Variants in DSCAM observed in about 807,000 individuals in gnomAD.
DSCAM encodes DS cell adhesion molecule.
A neutral mutation model predicts 217.7 loss-of-function variants in DSCAM; 47 were observed. That is an observed-to-expected ratio of 0.22 (90% CI 0.17 to 0.28). DSCAM has a LOEUF of 0.28. Among genes scored for constraint, DSCAM ranks in the 10% least tolerant of loss-of-function variants. The probability of loss-of-function intolerance (pLI) is 1.00; values close to 1 mark genes in which losing one functional copy is unlikely to be tolerated. For missense variants in DSCAM, 2,080 were observed against 2,618.3 expected (o/e 0.79, Z 4.49); for synonymous variants, 1,056 against 1,015.3 (o/e 1.04, Z -0.76).
chr21:40,420,284 T>C (rs1194019275), intron 3 of DSCAM, among the ~76,000 whole-genome samples: 1 of 152,180 alleles, frequency 6.6e-6, no homozygotes, highest in Non-Finnish European at 1.5e-5. Flanking sequence ...CAGTTTGACA[T>C]GAATCTGCGC....
intron 11 of DSCAM, among the ~76,000 whole-genome samples, chr21:40,269,691 G>A (rs2073589937): frequency 2.6e-5 from 4 of 152,152 alleles, no homozygotes; most frequent in Admixed American, 2.6e-4. Context: ...CTTGCCCAGT[G>A]TCTCTTGGCC....
intron 3 of DSCAM, among the ~76,000 whole-genome samples, chr21:40,674,982 C>T (rs2090321293): frequency 6.6e-6 from 1 of 151,248 alleles, no homozygotes; most frequent in Admixed American, 6.6e-5. Context: ...AGTAAAAATG[C>T]CATAACTTCC....
At chr21:40,295,725 A>AG (rs1349068652) in intron 10 of DSCAM, among the ~76,000 whole-genome samples, 1 of 152,202 alleles carries the variant, frequency 6.6e-6, no homozygotes, top group Non-Finnish European at 1.5e-5. Flanking sequence ...TTCATGTACG[A>AG]GTGTGCAGTG....
chr21:40,577,703 G>A (rs2076865167), intron 3 of DSCAM, among the ~76,000 whole-genome samples: 1 of 152,132 alleles, frequency 6.6e-6, no homozygotes, highest in African/African-American at 2.4e-5. Context: ...AAAGGGGAGG[G>A]GGGTCTAGTT....
At chr21:40,112,622 C>G (rs529954479) in intron 20 of DSCAM, among the ~76,000 whole-genome samples, 8 of 152,148 alleles carry the variant, frequency 5.3e-5, no homozygotes, top group Non-Finnish European at 1.0e-4. Context: ...ATCAATGAAT[C>G]CAGGAGGTGG....
intron 16 of DSCAM, among the ~76,000 whole-genome samples, chr21:40,155,086 T>C (rs1378431021): frequency 1.3e-5 from 2 of 152,252 alleles, no homozygotes; most frequent in Non-Finnish European, 2.9e-5. Context: ...CAAACACCTG[T>C]GACATAGCTC....
chr21:40,025,235 T>C (rs1156332162), intron 32 of DSCAM, among the ~76,000 whole-genome samples: 2 of 96,778 alleles, frequency 2.1e-5, no homozygotes, highest in Non-Finnish European at 4.3e-5. Context: ...TTGATCATGG[T>C]GGATAAGCTT....
chr21:40,600,691 T>G (rs1263910377), intron 3 of DSCAM, among the ~76,000 whole-genome samples: 1 of 152,220 alleles, frequency 6.6e-6, no homozygotes, highest in Non-Finnish European at 1.5e-5. Flanking sequence ...TTTGAGTTTT[T>G]TTGTTGTTGT....
At chr21:40,344,680 T>G (rs571760261) in intron 6 of DSCAM, among the ~76,000 whole-genome samples, 2 of 152,314 alleles carry the variant, frequency 1.3e-5, no homozygotes, top group Admixed American at 1.3e-4. Context: ...TTTTCCTCCC[T>G]CAGATTTTTA....
chr21:40,167,134 G>C, intron 16 of DSCAM, 84 bp downstream of exon 16: 1 of 1,251,070 alleles, frequency 8.0e-7, no homozygotes, highest in Non-Finnish European at 1.1e-6. Context: ...AAATTCGAGA[G>C]TCTTGGTGTC....
At chr21:40,172,339 G>A (rs933387073) in intron 15 of DSCAM, among the ~76,000 whole-genome samples, 2 of 152,230 alleles carry the variant, frequency 1.3e-5, no homozygotes, top group Non-Finnish European at 2.9e-5. Context: ...GATCTGTAAA[G>A]CAGTAATAAG....
At chr21:40,131,244 GATAA>G (rs2146685156) in intron 19 of DSCAM, among the ~76,000 whole-genome samples, 1 of 152,270 alleles carries the variant, frequency 6.6e-6, no homozygotes, top group East Asian at 1.9e-4. Context: ...CTTCCAATCA[GATAA>G]ATAAAATAGC....
chr21:40,507,410 G>A (rs536681666), intron 3 of DSCAM, among the ~76,000 whole-genome samples: 71 of 152,116 alleles, frequency 4.7e-4, no homozygotes, highest in African/African-American at 1.5e-3. Context: ...TAAAAAATAC[G>A]GCATTTACAA....
chr21:40,167,434 A>G (rs1212504709), intron 15 of DSCAM, 146 bp from the exon 16 acceptor site: 16 of 651,482 alleles, frequency 2.5e-5, no homozygotes, highest in Middle Eastern at 4.1e-4. Flanking sequence ...GGAAATGTCA[A>G]TTTTGTAGAA....
chr21:40,123,716 G>GCCTGCTATTCTTTTC (rs537493576), intron 20 of DSCAM, among the ~76,000 whole-genome samples: 34 of 150,420 alleles, frequency 2.3e-4, no homozygotes, highest in African/African-American at 8.3e-4. Context: ...ATAGGGTTTT[G>GCCTGCTATTCTTTTC]CCTGCTATTC....
chr21:40,020,578 G>C (rs924301650), intron 32 of DSCAM, among the ~76,000 whole-genome samples: 2 of 152,008 alleles, frequency 1.3e-5, no homozygotes, highest in African/African-American at 4.8e-5. Context: ...AATCTAACTG[G>C]AAGAGCAGCA....
At chr21:40,126,914 C>A (rs1406407951) in intron 19 of DSCAM, among the ~76,000 whole-genome samples, 1 of 152,182 alleles carries the variant, frequency 6.6e-6, no homozygotes, top group African/African-American at 2.4e-5. Context: ...GATGACTGAG[C>A]TAATCTTTTC....
chr21:40,115,947 T>A (rs1163110230), intron 20 of DSCAM, among the ~76,000 whole-genome samples: 1 of 152,210 alleles, frequency 6.6e-6, no homozygotes, highest in East Asian at 1.9e-4. Flanking sequence ...ATGTGATAAA[T>A]ATACACCATA....
intron 3 of DSCAM, among the ~76,000 whole-genome samples, chr21:40,490,713 T>C (rs1294881438): frequency 3.3e-5 from 5 of 152,210 alleles, no homozygotes; most frequent in Admixed American, 2.6e-4. Flanking sequence ...TGTGCTTTCT[T>C]TGCTTAGTTT....
Sources: allele counts gnomAD v4.1 joint callset (sites outside exome capture counted in the v4.1 genomes callset), GRCh38; gene constraint gnomAD v4.1.1; transcripts MANE v1.5; gene names NCBI Gene and HGNC (gene_info 2026-07-23, HGNC 2026-07-21).